FAM185A: variants seen among roughly 807,000 people sequenced by gnomAD.
FAM185A encodes protein FAM185A.
In FAM185A, 21 loss-of-function variants were observed where a neutral mutation model predicts 45.7. The observed-to-expected ratio is 0.46, with a 90% CI of 0.33 to 0.66. FAM185A has a LOEUF of 0.66. Ranked by LOEUF, FAM185A falls within the 30% of genes least tolerant of loss-of-function variation. The pLI is 0.03. For missense variants in FAM185A, 305 were observed against 485.4 expected (o/e 0.63, Z 3.49); for synonymous variants, 117 against 194.0 (o/e 0.60, Z 3.30).
At chr7:102,821,930 G>C in the FAM185A span, 1 of 1,204,640 alleles carries the variant, frequency 8.3e-7, no homozygotes, top group Non-Finnish European at 1.2e-6. Context: ...AAAATGAAAT[G>C]AAACTTCCTA....
rs779033242 is a variant in FAM185A at position 102,787,347 on chromosome 7, T to C, written c.944T>C (p.Val315Ala). The C allele has an allele frequency of 1.4e-6, 2 of 1,472,604 alleles. No homozygotes were observed. Among genetic ancestry groups the C allele is most frequent in the South Asian group, 1.4e-5 (1 of 72,736 alleles). The allele number at this position is 1,472,604 out of a possible 1,614,324, so 91.2% of individuals were successfully genotyped here. A position where few individuals can be genotyped will look rare whatever the true frequency, so the allele number is the denominator to read the frequency against. The change falls in exon 7 of 8, where the codon GTC (valine) becomes GCC (alanine). Residue 315 changes from valine to alanine, a missense_variant. Physicochemically the swap from Val to Ala is moderately conservative, Grantham distance 64. Around this residue, in one of 5 missense-constraint regions of FAM185A, gnomAD observed 9 missense variants for 50.5 expected, o/e 0.18. Coordinates refer to ENST00000413034, the MANE Select transcript of FAM185A (RefSeq NM_001145268.2). Reference protein sequence around the residue: ...ELKSHKGSIIVKVPSSLQAHL... With the variant: ...ELKSHKGSIIAKVPSSLQAHL... ...ATATTTATTACAGGTTCTATTATTG[T>C]CAAGGTCCCATCTTCACTTCAAGCT...
At chr7:102,826,157 C>T in the FAM185A span, among the ~76,000 whole-genome samples, 576 of 152,138 alleles carry the variant, frequency 3.8e-3, 15 homozygotes, top group East Asian at 0.062. Flanking sequence ...CCCACCAATT[C>T]CTGTTTTGAT....
intron 6 of FAM185A, among the ~76,000 whole-genome samples, chr7:102,786,380 G>A (rs1292431535): frequency 6.6e-6 from 1 of 152,148 alleles, no homozygotes; most frequent in Non-Finnish European, 1.5e-5. Flanking sequence ...ACATGCACAC[G>A]TATGTTTATC....
At chr7:102,768,030 A>G (rs1478974915) in intron 4 of FAM185A, among the ~76,000 whole-genome samples, 1 of 138,626 alleles carries the variant, frequency 7.2e-6, no homozygotes, top group Non-Finnish European at 1.6e-5. Flanking sequence ...TCTGTTTTAG[A>G]CCCTCTTGAC....
chr7:102,833,376 G>A, the FAM185A span, among the ~76,000 whole-genome samples: 3 of 150,894 alleles, frequency 2.0e-5, no homozygotes, highest in African/African-American at 4.9e-5. Context: ...TTTTGCTTTC[G>A]TTTCCACCAT....
intron 7 of FAM185A, among the ~76,000 whole-genome samples, chr7:102,801,388 C>T (rs1280825629): frequency 6.6e-6 from 1 of 152,096 alleles, no homozygotes; most frequent in Admixed American, 6.5e-5. Flanking sequence ...TACCTCATAT[C>T]TCAATACTAA....
At chr7:102,809,463 G>A (rs918839810), downstream of FAM185A, among the ~76,000 whole-genome samples, 2 of 152,078 alleles carry the variant, frequency 1.3e-5, no homozygotes, top group Admixed American at 1.3e-4. Flanking sequence ...GGAGGCCAAG[G>A]TGGATGGATC....
chr7:102,808,564 T>C lies in FAM185A; in HGVS notation c.*162T>C, dbSNP rs960852265. 1 of 594,842 alleles carries C rather than the reference T, an allele frequency of 1.7e-6. No individual in the cohort carries two copies. The highest frequency in any genetic ancestry group is 3.0e-6 in the Non-Finnish European group (1 of 334,586). 36.8% of individuals were successfully genotyped at this position (594,842 alleles called of 1,614,324 possible). A position where few individuals can be genotyped will look rare whatever the true frequency, so the allele number is the denominator to read the frequency against. On this transcript the variant is annotated 3_prime_UTR_variant, in exon 8 of 8. Coordinates refer to ENST00000413034, the MANE Select transcript of FAM185A (RefSeq NM_001145268.2). ...TTTTTCAAAATTTGTGCTTTGCTAT[T>C]GTATTCATTTTCTACTGCTCTGTAA...
At chr7:102,777,388 A>T (rs547805635) in intron 6 of FAM185A, 40 bp downstream of exon 6, 934 of 1,356,856 alleles carry the variant, frequency 6.9e-4, no homozygotes, top group Non-Finnish European at 7.4e-4. Context: ...ATATGATGTA[A>T]GGAAGGTTTA....
intron 7 of FAM185A, among the ~76,000 whole-genome samples, chr7:102,799,912 T>C (rs1584360214): frequency 6.6e-6 from 1 of 150,800 alleles, no homozygotes; most frequent in Admixed American, 6.6e-5. Context: ...GAGGCTCGCG[T>C]CATGAATTTT....
the FAM185A span, among the ~76,000 whole-genome samples, chr7:102,843,370 G>C: frequency 3.3e-5 from 5 of 152,154 alleles, no homozygotes; most frequent in Non-Finnish European, 2.9e-5. Flanking sequence ...TTGAACCCAG[G>C]AGGCAGAGGT....
chr7:102,759,231 A>G (rs992378081), intron 3 of FAM185A, among the ~76,000 whole-genome samples: 3 of 152,136 alleles, frequency 2.0e-5, no homozygotes, highest in Non-Finnish European at 4.4e-5. Flanking sequence ...ATATTGTAAC[A>G]TTTGCATTCA....
intron 6 of FAM185A, among the ~76,000 whole-genome samples, chr7:102,786,524 C>T (rs538606878): frequency 1.8e-3 from 271 of 152,184 alleles, no homozygotes; most frequent in African/African-American, 5.9e-3. Flanking sequence ...TCATGTCCTT[C>T]GTAGGGACAT....
In FAM185A at chr7:102,756,011, G is replaced by T. The variant is rs548192968; in HGVS notation, c.562-1843G>T. The T allele has an allele frequency of 8.0e-6, 3 of 376,468 alleles. No homozygotes were observed. The South Asian group carries it at 1.2e-4, about 15-fold the overall frequency. The allele number at this position is 376,468 out of a possible 1,614,324, so 23.3% of individuals were successfully genotyped here. A position where few individuals can be genotyped will look rare whatever the true frequency, so the allele number is the denominator to read the frequency against. On this transcript the variant is annotated intron_variant, in intron 2 of 7. Coordinates refer to ENST00000413034, the MANE Select transcript of FAM185A (RefSeq NM_001145268.2). The stretch of plus-strand genomic sequence containing the variant: ...AAAAAATAAAAAAAAGTGCTTTGTG[G>T]ATAGTCTTTTCAAAGGTTTATCACA...
intron 7 of FAM185A, among the ~76,000 whole-genome samples, chr7:102,790,625 T>C (rs1796087462): frequency 2.0e-5 from 3 of 152,362 alleles, no homozygotes; most frequent in South Asian, 4.1e-4. Context: ...CATTTATTCA[T>C]AGAATCATAT....
chr7:102,751,179 G>A (rs1355066564), intron 1 of FAM185A, among the ~76,000 whole-genome samples: 1 of 152,170 alleles, frequency 6.6e-6, no homozygotes, highest in Non-Finnish European at 1.5e-5. Context: ...GCCTCCCAAA[G>A]TGCTGGTATT....
intron 7 of FAM185A, among the ~76,000 whole-genome samples, chr7:102,797,295 TA>T (rs1244352656): frequency 6.6e-6 from 1 of 151,998 alleles, no homozygotes; most frequent in Non-Finnish European, 1.5e-5. Flanking sequence ...ACCCCATTTC[TA>T]CTAAAAATAC....
intron 5 of FAM185A, among the ~76,000 whole-genome samples, chr7:102,774,116 CTTTAA>C (rs2129437013): frequency 6.6e-6 from 1 of 152,168 alleles, no homozygotes; most frequent in South Asian, 2.1e-4. Context: ...TTTAGGTCTT[CTTTAA>C]TTTTTCTCAG....
At chr7:102,785,968 T>G (rs1206685705) in intron 6 of FAM185A, among the ~76,000 whole-genome samples, 8 of 151,840 alleles carry the variant, frequency 5.3e-5, no homozygotes, top group Non-Finnish European at 1.2e-4. Context: ...TACAATGAAC[T>G]CAAACAAATT....
Sources: allele counts gnomAD v4.1 joint callset (sites outside exome capture counted in the v4.1 genomes callset), GRCh38; gene constraint gnomAD v4.1.1; regional missense constraint gnomAD v4.1.1; transcripts MANE v1.5; gene names NCBI Gene and HGNC (gene_info 2026-07-23, HGNC 2026-07-21).